The following KCNK2 variants were observed in gnomAD, a reference collection of about 807,000 sequenced individuals.
The protein encoded by KCNK2 is potassium channel subfamily K member 2.
In KCNK2, 21 loss-of-function variants were observed where a neutral mutation model predicts 40.5. That is an observed-to-expected ratio of 0.52 (90% CI 0.37 to 0.75). The LOEUF is 0.75. KCNK2 is among the 30% of genes least tolerant of loss of function. KCNK2 has a pLI of 0.00. For missense variants in KCNK2, 399 were observed against 531.6 expected, an observed-to-expected ratio of 0.75 and a Z score of 2.45; for synonymous variants, 191 against 202.2, an observed-to-expected ratio of 0.94 and a Z score of 0.47.
intron 6 of KCNK2, among the ~76,000 whole-genome samples, chr1:215,227,884 A>G (rs1666455974): frequency 6.6e-6 from 1 of 152,114 alleles, no homozygotes; most frequent in African/African-American, 2.4e-5. Flanking sequence ...AAGATTCAGT[A>G]AGAGGAGGAG....
chr1:215,024,380 A>G (rs1374421767), intron 1 of KCNK2, among the ~76,000 whole-genome samples: 1 of 152,222 alleles, frequency 6.6e-6, no homozygotes, highest in African/African-American at 2.4e-5. Flanking sequence ...TAAGAGGTCC[A>G]GTATTGCAGG....
intron 3 of KCNK2, among the ~76,000 whole-genome samples, chr1:215,127,308 T>C (rs1365372275): frequency 6.6e-6 from 1 of 152,174 alleles, no homozygotes; most frequent in Non-Finnish European, 1.5e-5. Context: ...CTTGGAAATA[T>C]GCCCAAGGAA....
At chr1:215,224,640 C>T (rs1260792778) in intron 6 of KCNK2, among the ~76,000 whole-genome samples, 1 of 152,024 alleles carries the variant, frequency 6.6e-6, no homozygotes, top group Admixed American at 6.6e-5. Context: ...CTCAAATGAC[C>T]TGGAGTAGAG....
intron 2 of KCNK2, among the ~76,000 whole-genome samples, chr1:215,114,805 T>C (rs1376973974): frequency 2.6e-5 from 4 of 152,064 alleles, no homozygotes; most frequent in Non-Finnish European, 4.4e-5. Flanking sequence ...AAATTTCTTG[T>C]AGGTTATTAA....
intron 1 of KCNK2, among the ~76,000 whole-genome samples, chr1:215,061,787 G>A (rs1320867575): frequency 1.3e-5 from 2 of 151,970 alleles, no homozygotes; most frequent in Admixed American, 6.6e-5. Flanking sequence ...AAAGATGATT[G>A]TCCTTGTTAC....
chr1:215,041,912 C>G (rs1657579201), intron 1 of KCNK2, among the ~76,000 whole-genome samples: 1 of 152,156 alleles, frequency 6.6e-6, no homozygotes, highest in African/African-American at 2.4e-5. Context: ...GCTCACAGTT[C>G]CACATGGCCA....
Position 215,173,152 on chromosome 1 carries a change from A to G in KCNK2, c.823+969A>G, listed in dbSNP as rs555297812. Reference sequence around the variant, plus strand: ...ACCCCACAACAGGCCCTGGTGTGTGATGTTCCCCTTCCTGTGTCCAGGTTT... The same window carrying G: ...ACCCCACAACAGGCCCTGGTGTGTGGTGTTCCCCTTCCTGTGTCCAGGTTT... On this transcript the variant is annotated intron_variant, in intron 5 of 6. Transcript: ENST00000444842. Among the ~76,000 whole-genome samples the G allele has an allele frequency of 2.6e-4, 39 of 152,070 alleles. No homozygotes were observed. The South Asian group carries it at 7.5e-3, about 29-fold the overall frequency.
At chr1:215,122,056 A>G (rs1200948413) in intron 2 of KCNK2, among the ~76,000 whole-genome samples, 1 of 152,178 alleles carries the variant, frequency 6.6e-6, no homozygotes, top group African/African-American at 2.4e-5. Context: ...ATTTATGTAT[A>G]CAACAGCAAT....
At chr1:215,165,414 C>G (rs1336458629) in intron 3 of KCNK2, among the ~76,000 whole-genome samples, 1 of 152,142 alleles carries the variant, frequency 6.6e-6, no homozygotes, top group Non-Finnish European at 1.5e-5. Flanking sequence ...TATAATTTGA[C>G]AAAACATTCA....
intron 5 of KCNK2, among the ~76,000 whole-genome samples, chr1:215,175,041 G>C (rs1663893262): frequency 6.6e-6 from 1 of 152,122 alleles, no homozygotes; most frequent in Non-Finnish European, 1.5e-5. Context: ...TCCTTGTCTT[G>C]TGCCAGTTTT....
intron 6 of KCNK2, among the ~76,000 whole-genome samples, chr1:215,209,178 A>G (rs1665449212): frequency 7.1e-6 from 1 of 140,026 alleles, no homozygotes; most frequent in African/African-American, 2.7e-5. Context: ...ATTTTTTATG[A>G]TATCTAGTTA....
chr1:215,182,519 T>C (rs1664266435), intron 5 of KCNK2, among the ~76,000 whole-genome samples: 1 of 152,032 alleles, frequency 6.6e-6, no homozygotes, highest in Non-Finnish European at 1.5e-5. Context: ...TGGTACCAGG[T>C]CACCACTCTG....
intron 1 of KCNK2, among the ~76,000 whole-genome samples, chr1:215,024,884 T>C (rs1656940108): frequency 6.6e-6 from 1 of 152,050 alleles, no homozygotes; most frequent in Non-Finnish European, 1.5e-5. Context: ...AAACTACATC[T>C]TTCTTCTTGC....
chr1:215,021,052 A>G (rs1242529407), intron 1 of KCNK2, among the ~76,000 whole-genome samples: 1 of 152,202 alleles, frequency 6.6e-6, no homozygotes, highest in Non-Finnish European at 1.5e-5. Context: ...TATATTTTCA[A>G]TGATGGATGA....
At chr1:215,076,646 A>C (rs1032339192) in intron 1 of KCNK2, among the ~76,000 whole-genome samples, 4 of 152,180 alleles carry the variant, frequency 2.6e-5, no homozygotes, top group African/African-American at 9.7e-5. Context: ...TTTGTAACCT[A>C]ATACTGAAAG....
chr1:215,226,589 T>G (rs569217733), intron 6 of KCNK2, among the ~76,000 whole-genome samples: 10 of 152,230 alleles, frequency 6.6e-5, no homozygotes, highest in Middle Eastern at 3.4e-3. Context: ...CCTCCCAAAG[T>G]GCTGGGATTA....
intron 6 of KCNK2, among the ~76,000 whole-genome samples, chr1:215,208,946 G>T (rs1030316540): frequency 6.6e-6 from 1 of 151,670 alleles, no homozygotes; most frequent in South Asian, 2.1e-4. Flanking sequence ...TCCTGTCTCG[G>T]CATGCATAGT....
rs374954124 is a variant in KCNK2, at chr1:215,030,371, A to G, written c.34+24416A>G. Among the ~76,000 whole-genome samples the G allele has an allele frequency of 2.6e-5, 4 of 152,080 alleles. No individual in the cohort carries two copies. In the East Asian group the frequency reaches 5.8e-4, roughly 22 times the overall value. On this transcript the variant is annotated intron_variant, in intron 1 of 6. Coordinates refer to the KCNK2 transcript ENST00000391895. Reference sequence around the variant, plus strand: ...TGGCTTGTCTTTCCCTTTTCTTGATAGTCTCTTTTGCCAAGCAGAAAATTT... The same window carrying G: ...TGGCTTGTCTTTCCCTTTTCTTGATGGTCTCTTTTGCCAAGCAGAAAATTT...
At chr1:215,145,638 C>T (rs1446224270) in intron 3 of KCNK2, among the ~76,000 whole-genome samples, 4 of 152,102 alleles carry the variant, frequency 2.6e-5, no homozygotes, top group Non-Finnish European at 5.9e-5. Context: ...CAGTTTACTG[C>T]TATAGTAGAC....
Sources: allele counts gnomAD v4.1 joint callset (sites outside exome capture counted in the v4.1 genomes callset), GRCh38; gene constraint gnomAD v4.1.1; transcripts MANE v1.5; gene names NCBI Gene and HGNC (gene_info 2026-07-23, HGNC 2026-07-21).